The following KCNT2 variants were observed in gnomAD, a reference collection of about 807,000 sequenced individuals.
KCNT2 encodes potassium sodium-activated channel subfamily T member 2.
KCNT2 carries 67 observed loss-of-function variants against 153.8 expected under a neutral mutation model. The observed-to-expected ratio is 0.44, with a 90% CI of 0.36 to 0.53. The LOEUF (loss-of-function observed/expected upper bound fraction) is 0.53. Among genes scored for constraint, KCNT2 ranks in the 20% least tolerant of loss-of-function variants. KCNT2 has a pLI of 0.00. For synonymous variants in KCNT2, 500 were observed against 458.8 expected (o/e 1.09, Z -1.15); for missense variants, 975 against 1,354.8 (o/e 0.72, Z 4.40).
intron 1 of KCNT2, among the ~76,000 whole-genome samples, chr1:196,508,485 G>A (rs1271707698): frequency 1.3e-5 from 2 of 151,958 alleles, no homozygotes; most frequent in African/African-American, 4.8e-5. Context: ...TTTATAAAAG[G>A]CATTAATTAT....
intron 5 of KCNT2, among the ~76,000 whole-genome samples, chr1:196,471,884 C>T (rs1025411633): frequency 1.2e-4 from 19 of 152,294 alleles, no homozygotes; most frequent in African/African-American, 4.6e-4. Context: ...ATAATAAAAT[C>T]CAAACTCATC....
chr1:196,512,562 A>G (rs1461487774), intron 1 of KCNT2, among the ~76,000 whole-genome samples: 1 of 152,140 alleles, frequency 6.6e-6, no homozygotes, highest in Non-Finnish European at 1.5e-5. Flanking sequence ...ACTTGAGTGC[A>G]TATTAATATT....
rs890239730 is a variant in KCNT2, at chr1:196,548,080, G to C, written c.96-55739C>G. On this transcript the variant is annotated intron_variant, in intron 1 of 27. Transcript: ENST00000294725. ...AAGTAGAACATTATAAGCATAAAAT[G>C]ATGATGTGAGGGAGAATTTAAGAAA... 7.9e-5 allele frequency among the ~76,000 whole-genome samples: 12 copies of C among 151,800 alleles called. No individual in the cohort carries two copies. In the South Asian group the frequency reaches 2.5e-3, roughly 31 times the overall value.
chr1:196,506,287 A>G (rs953644693), intron 1 of KCNT2, among the ~76,000 whole-genome samples: 7 of 152,204 alleles, frequency 4.6e-5, no homozygotes, highest in Non-Finnish European at 8.8e-5. Context: ...TATATGTAAA[A>G]TATGCAACAA....
Position 196,319,563 on chromosome 1 carries a change from G to A in KCNT2, c.2277-8C>T, listed in dbSNP as rs1663072253. On this transcript the variant is annotated splice_polypyrimidine_tract_variant and splice_region_variant and intron_variant, in intron 19 of 27. Transcript: ENST00000294725. ...AGAAAATGCATATCTGGCCTAAGTA[G>A]TAGATGGGTTACAAAATGAAACACA... 6.3e-7 allele frequency: 1 copy of A among 1,589,568 alleles called. No homozygotes were observed. The highest frequency in any genetic ancestry group is 1.1e-5 in the South Asian group (1 of 90,090).
intron 25 of KCNT2, among the ~76,000 whole-genome samples, chr1:196,270,689 T>C (rs1200556968): frequency 6.6e-6 from 1 of 152,020 alleles, no homozygotes; most frequent in Non-Finnish European, 1.5e-5. Context: ...ATATATAGTC[T>C]AAAGCAATGG....
chr1:196,464,257 A>T (rs149273171), intron 8 of KCNT2, among the ~76,000 whole-genome samples: 1 of 151,954 alleles, frequency 6.6e-6, no homozygotes, highest in African/African-American at 2.4e-5. Flanking sequence ...AGTTTGCGAA[A>T]GGTAAAAAGA....
chr1:196,238,086 G>A (rs537058179), intron 26 of KCNT2, among the ~76,000 whole-genome samples: 29 of 151,826 alleles, frequency 1.9e-4, no homozygotes, highest in African/African-American at 6.0e-4. Context: ...ATATAACTCC[G>A]TTTCTTTTAT....
intron 1 of KCNT2, among the ~76,000 whole-genome samples, chr1:196,563,299 G>A (rs536926624): frequency 6.4e-4 from 97 of 151,624 alleles, no homozygotes; most frequent in African/African-American, 2.2e-3. Context: ...AAGAAATACC[G>A]TGACTGCTTT....
chr1:196,605,636 C>T (rs1665233501), intron 1 of KCNT2, among the ~76,000 whole-genome samples: 1 of 152,110 alleles, frequency 6.6e-6, no homozygotes. Flanking sequence ...AAGAGGGCTT[C>T]CTCCTCAACT....
intron 26 of KCNT2, among the ~76,000 whole-genome samples, chr1:196,242,698 A>G (rs1365441960): frequency 6.6e-6 from 1 of 152,174 alleles, no homozygotes; most frequent in Non-Finnish European, 1.5e-5. Context: ...TTCTGAGGAC[A>G]CAGCAATGAA....
intron 16 of KCNT2, among the ~76,000 whole-genome samples, chr1:196,336,297 G>A (rs1316210101): frequency 1.3e-5 from 2 of 151,876 alleles, no homozygotes; most frequent in Non-Finnish European, 2.9e-5. Context: ...ATTACTTGCT[G>A]CACATCATCT....
At chr1:196,435,764 T>A (rs1674601654) in intron 8 of KCNT2, among the ~76,000 whole-genome samples, 1 of 151,728 alleles carries the variant, frequency 6.6e-6, no homozygotes, top group African/African-American at 2.4e-5. Flanking sequence ...AATTACTCAA[T>A]ATTAGAGACA....
chr1:196,310,948 C>T (rs1662117514), intron 21 of KCNT2, among the ~76,000 whole-genome samples: 1 of 151,762 alleles, frequency 6.6e-6, no homozygotes, highest in South Asian at 2.1e-4. Context: ...TCTTGCTCTG[C>T]TCCAAGTCCT....
At chr1:196,324,493 T>A (rs1308720325) in intron 19 of KCNT2, among the ~76,000 whole-genome samples, 1 of 152,018 alleles carries the variant, frequency 6.6e-6, no homozygotes, top group Non-Finnish European at 1.5e-5. Flanking sequence ...TATTTAAATG[T>A]TTACATCGTA....
chr1:196,594,152 A>C (rs1040165885), intron 1 of KCNT2, among the ~76,000 whole-genome samples: 8 of 152,080 alleles, frequency 5.3e-5, no homozygotes, highest in Non-Finnish European at 1.2e-4. Context: ...GATGGTTTTC[A>C]CTGAGCAGTT....
At chr1:196,486,026 A>T (rs1159869751) in intron 3 of KCNT2, among the ~76,000 whole-genome samples, 4 of 151,986 alleles carry the variant, frequency 2.6e-5, no homozygotes, top group African/African-American at 4.8e-5. Flanking sequence ...ACCTAATAAG[A>T]AGAGAATTTA....
chr1:196,304,105 C>T (rs1460038411), intron 22 of KCNT2, among the ~76,000 whole-genome samples: 1 of 152,028 alleles, frequency 6.6e-6, no homozygotes, highest in Non-Finnish European at 1.5e-5. Context: ...CAGGGCACAA[C>T]AACAATTTCC....
intron 18 of KCNT2, among the ~76,000 whole-genome samples, chr1:196,328,120 G>T (rs909443769): frequency 6.6e-6 from 1 of 151,982 alleles, no homozygotes; most frequent in Non-Finnish European, 1.5e-5. Flanking sequence ...ATAAAAGAAA[G>T]AAAGTATTTA....
Sources: allele counts gnomAD v4.1 joint callset (sites outside exome capture counted in the v4.1 genomes callset), GRCh38; gene constraint gnomAD v4.1.1; transcripts MANE v1.5; gene names NCBI Gene and HGNC (gene_info 2026-07-23, HGNC 2026-07-21).